The following CLTCL1 variants were observed in gnomAD, a reference collection of about 807,000 sequenced individuals.
CLTCL1 encodes clathrin heavy chain 2.
In CLTCL1, 159 loss-of-function variants were observed where a neutral mutation model predicts 190.0. The observed-to-expected ratio is 0.84, with a 90% CI of 0.74 to 0.95. The LOEUF (loss-of-function observed/expected upper bound fraction) is 0.95, where lower values mean the gene tolerates loss of function less well. CLTCL1 is among the 40% of genes least tolerant of loss of function. The pLI, the probability that CLTCL1 is intolerant of heterozygous loss-of-function variation, is 0.00. For missense variants in CLTCL1, 1,878 were observed against 2,033.4 expected (o/e 0.92, Z 1.47); for synonymous variants, 752 against 769.6 (o/e 0.98, Z 0.38).
intron 3 of CLTCL1, among the ~76,000 whole-genome samples, chr22:19,253,013 CA>C (rs36070702): frequency 0.12 from 7,473 of 61,938 alleles, 127 homozygotes; most frequent in Middle Eastern, 0.28. Context: ...GACTCCGTCT[CA>C]AAAAAAAAAA....
chr22:19,224,006 T>C lies in CLTCL1; in HGVS notation c.2177A>G (p.Asp726Gly). 8 of 1,613,996 alleles carry C rather than the reference T, an allele frequency of 5.0e-6. No homozygotes were observed. The highest frequency in any genetic ancestry group is 6.8e-6 in the Non-Finnish European group (8 of 1,179,898). Residue 726 changes from aspartate to glycine, a missense_variant, in exon 14 of 33, where the codon GAT becomes GGT. Transcript: ENST00000427926. ...AGCCTGAATGTATTTCAGATGCACA[T>C]CTGGGTCTTGGCTGAAGTTCACGAT... is the stretch of plus-strand genomic sequence containing the variant. ...GSIVNFSQDP[D>G]VHLKYIQAAC...
At chr22:19,214,498 T>C (rs2085325339) in intron 19 of CLTCL1, among the ~76,000 whole-genome samples, 1 of 152,102 alleles carries the variant, frequency 6.6e-6, no homozygotes, top group South Asian at 2.1e-4. Flanking sequence ...GCAAATATCT[T>C]CCCCGCATTT....
chr22:19,243,702 T>C, intron 3 of CLTCL1, among the ~76,000 whole-genome samples: 1 of 144,604 alleles, frequency 6.9e-6, no homozygotes, highest in East Asian at 2.0e-4. Context: ...TCTTTCTTTT[T>C]TTTTTTTTTT....
intron 30 of CLTCL1, chr22:19,181,618 C>G (rs1439316061): frequency 2.0e-5 from 3 of 152,394 alleles, no homozygotes; most frequent in Non-Finnish European, 4.4e-5. Flanking sequence ...CTCAAGCTTC[C>G]CAGATGAGCC....
At chr22:19,257,876 G>C (rs1555973507) in intron 2 of CLTCL1, 6 of 1,398,090 alleles carry the variant, frequency 4.3e-6, no homozygotes, top group Non-Finnish European at 5.7e-6. Flanking sequence ...ACCTGGAGAA[G>C]AAGAGACCCC....
At chr22:19,221,052 C>T (rs187177801) in intron 17 of CLTCL1, among the ~76,000 whole-genome samples, 9 of 152,160 alleles carry the variant, frequency 5.9e-5, no homozygotes, top group Admixed American at 3.9e-4. Flanking sequence ...TGATCAAGTT[C>T]GGGAGTTGGG....
intron 2 of CLTCL1, among the ~76,000 whole-genome samples, chr22:19,261,946 G>A (rs1182619359): frequency 2.0e-5 from 3 of 152,172 alleles, no homozygotes; most frequent in East Asian, 1.9e-4. Context: ...AGCATTGCAC[G>A]CTACAGAGCA....
intron 4 of CLTCL1, among the ~76,000 whole-genome samples, chr22:19,239,659 G>C (rs913682111): frequency 1.3e-5 from 2 of 152,200 alleles, no homozygotes; most frequent in African/African-American, 4.8e-5. Context: ...TCCCCTCCCC[G>C]GGCCTGGATG....
chr22:19,188,843 GA>G (rs2084399659), intron 27 of CLTCL1, among the ~76,000 whole-genome samples: 1 of 151,826 alleles, frequency 6.6e-6, no homozygotes. Context: ...TCGAACTCCT[GA>G]ACTCAGGTGA....
At chr22:19,241,434 C>T (rs2086250856) in intron 4 of CLTCL1, among the ~76,000 whole-genome samples, 1 of 152,228 alleles carries the variant, frequency 6.6e-6, no homozygotes, top group Admixed American at 6.5e-5. Flanking sequence ...ACAAGGCTGA[C>T]ACGTGACCCG....
In CLTCL1 at chr22:19,239,246, A is replaced by ATTTAGT. The variant is rs781910910; in HGVS notation, c.795+28_795+29insACTAAA. On this transcript the variant is annotated intron_variant, in intron 5 of 32. Transcript: ENST00000427926. ...GTGCTAGAGTAGATTTTAGGACATG[A>ATTTAGT]AGATGTTTAGAGAGCAGCACATTCG... 2.0e-6 allele frequency: 3 copies of ATTTAGT among 1,532,306 alleles called. No individual in the cohort carries two copies. The South Asian group carries it at 3.4e-5, about 17-fold the overall frequency. The allele number at this position is 1,532,306 out of a possible 1,614,324, so 94.9% of individuals were successfully genotyped here. A position where few individuals can be genotyped will look rare whatever the true frequency, so the allele number is the denominator to read the frequency against.
chr22:19,201,819 C>A (rs2084896739), intron 22 of CLTCL1, among the ~76,000 whole-genome samples: 1 of 152,100 alleles, frequency 6.6e-6, no homozygotes, highest in African/African-American at 2.4e-5. Context: ...CAAGCCGTTC[C>A]CCTTCCTCCT....
At chr22:19,260,461 A>G (rs2086903802) in intron 2 of CLTCL1, among the ~76,000 whole-genome samples, 1 of 148,824 alleles carries the variant, frequency 6.7e-6, no homozygotes, top group African/African-American at 2.6e-5. Flanking sequence ...ACCACTCCAA[A>G]AATCCTAAGG....
chr22:19,181,352 C>G (rs2084130778), intron 30 of CLTCL1: 1 of 154,818 alleles, frequency 6.5e-6, no homozygotes, highest in Admixed American at 6.4e-5. Flanking sequence ...GGCACTGACC[C>G]CACCCACTGC....
In CLTCL1 at chr22:19,233,186, T is replaced by G. The variant is rs2085968629; in HGVS notation, c.1501A>C (p.Ile501Leu). 6.2e-7 allele frequency: 1 copy of G among 1,613,496 alleles called. No homozygotes were observed. Among genetic ancestry groups the G allele is most frequent in the African/African-American group, 1.3e-5 (1 of 74,922 alleles). ...GTTACCTTTTTGGCATAGAGCACAA[T>G]TTTCTGGAATTGGCCTGTTTCTGCA... ...CFAETGQFQK[I>L]VLYAKKVGYT... is the part of the protein sequence containing the mutation. The change falls in exon 9 of 33, where the codon ATT becomes CTT. Residue 501 changes from isoleucine to leucine, a missense_variant. Ile to Leu is a conservative substitution (Grantham distance 5, BLOSUM62 2). Transcript: ENST00000427926.
chr22:19,216,930 T>C (rs1387996142), intron 18 of CLTCL1, among the ~76,000 whole-genome samples: 1 of 152,172 alleles, frequency 6.6e-6, no homozygotes, highest in Non-Finnish European at 1.5e-5. Flanking sequence ...TTTGCCAAGT[T>C]TCTGGTTCTC....
intron 29 of CLTCL1, 125 bp downstream of exon 29, chr22:19,187,433 C>T (rs913997888): frequency 8.8e-5 from 81 of 924,532 alleles, no homozygotes; most frequent in Admixed American, 6.6e-4. Flanking sequence ...CCACCCACCA[C>T]GAGGATCCCC....
intron 2 of CLTCL1, chr22:19,257,858 C>G: frequency 7.1e-7 from 1 of 1,411,480 alleles, no homozygotes; most frequent in South Asian, 1.1e-5. Flanking sequence ...AGAGCAAAAA[C>G]CGGGAGCACC....
At chr22:19,273,106 A>G (rs2087380055) in intron 2 of CLTCL1, among the ~76,000 whole-genome samples, 1 of 152,170 alleles carries the variant, frequency 6.6e-6, no homozygotes, top group Non-Finnish European at 1.5e-5. Context: ...GGTGTGTGAT[A>G]TGGCAGAGGA....
Sources: allele counts gnomAD v4.1 joint callset (sites outside exome capture counted in the v4.1 genomes callset), GRCh38; gene constraint gnomAD v4.1.1; transcripts MANE v1.5; gene names NCBI Gene and HGNC (gene_info 2026-07-23, HGNC 2026-07-21).